Variants in LAMB4 observed in about 807,000 individuals in gnomAD.
The protein encoded by LAMB4 is laminin subunit beta-4.
Under a neutral mutation model 199.2 loss-of-function variants are expected in LAMB4, and 196 were observed. That is an observed-to-expected ratio of 0.98 (90% confidence interval 0.88 to 1.11). The LOEUF (loss-of-function observed/expected upper bound fraction) is 1.11. Among genes scored for constraint, LAMB4 ranks in the 50% least tolerant of loss-of-function variants. LAMB4 has a pLI of 0.00. For synonymous variants in LAMB4, 744 were observed against 770.6 expected (o/e 0.97, Z 0.57); for missense variants, 2,080 against 2,171.2 (o/e 0.96, Z 0.83).
At chr7:108,080,504 T>C (rs2036889522) in intron 14 of LAMB4, among the ~76,000 whole-genome samples, 11 of 152,204 alleles carry the variant, frequency 7.2e-5, no homozygotes, top group Admixed American at 7.2e-4. Flanking sequence ...ATATATATCA[T>C]GTACTGCTGC....
intron 23 of LAMB4, among the ~76,000 whole-genome samples, chr7:108,058,667 T>C (rs1050895557): frequency 6.6e-6 from 1 of 152,202 alleles, no homozygotes; most frequent in African/African-American, 2.4e-5. Flanking sequence ...TTCTTTTCTT[T>C]TATTTTGAGA....
chr7:108,038,491 T>C (rs1480252389), intron 29 of LAMB4, among the ~76,000 whole-genome samples: 2 of 152,188 alleles, frequency 1.3e-5, no homozygotes, highest in Non-Finnish European at 2.9e-5. Flanking sequence ...ATGCTCTACT[T>C]TCCAGAAAAG....
At chr7:108,085,966 T>C (rs530583922) in intron 14 of LAMB4, among the ~76,000 whole-genome samples, 1 of 152,230 alleles carries the variant, frequency 6.6e-6, no homozygotes, top group African/African-American at 2.4e-5. Flanking sequence ...ATGCAATGAG[T>C]AGGTGTTGTA....
intron 18 of LAMB4, 50 bp downstream of exon 18, chr7:108,069,658 A>G (rs766206875): frequency 5.9e-6 from 9 of 1,536,980 alleles, no homozygotes; most frequent in Non-Finnish European, 8.0e-6. Context: ...TCCAAAAAGC[A>G]TTTGTATGGA....
rs1258575597 is a variant in LAMB4 at position 108,048,038 on chromosome 7, C to T, written c.4196G>A (p.Gly1399Glu). 1 of 1,614,226 alleles carries T rather than the reference C, an allele frequency of 6.2e-7. No individual in the cohort carries two copies. The highest frequency in any genetic ancestry group is 1.7e-5 in the Admixed American group (1 of 60,024). The part of the protein sequence containing the change: ...CGGALCTGRK[G>E]HRKCRGPGCH... ...GCCGGGACCCCTACACTTCCTGTGCCCCTTCCGGCCCGTGCAGAGAGCACC... is the reference window on the plus strand; with the variant it reads ...GCCGGGACCCCTACACTTCCTGTGCTCCTTCCGGCCCGTGCAGAGAGCACC... The change falls in exon 28 of 34, where the codon GGG becomes GAG. Residue 1399 changes from glycine to glutamate, a missense_variant. By Grantham distance (98) the Gly-to-Glu change is moderately conservative (BLOSUM62 -2). Transcript: ENST00000388781.
chr7:108,039,460 T>C (rs1306562089), intron 29 of LAMB4, among the ~76,000 whole-genome samples: 1 of 147,678 alleles, frequency 6.8e-6, no homozygotes, highest in African/African-American at 2.6e-5. Context: ...AAAGAAACAG[T>C]ACTTTCTTTC....
At position 108,123,155 on chromosome 7, in the gene LAMB4, G is replaced by T; in HGVS notation, c.10C>A (p.Gln4Lys). MQFQLTLFLHLGWL... is the reference protein window; with the variant it reads MQFKLTLFLHLGWL... ...CCAAGGTGCAAAAAAAGGGTCAGTT[G>T]AAATTGCATTCTTTTGTCAGGAGAT... is the stretch of plus-strand genomic sequence containing the variant. Residue 4 changes from glutamine (Q) to lysine (K), a missense_variant, in exon 2 of 34, where the codon CAA becomes AAA. Coordinates refer to ENST00000388781, the MANE Select transcript of LAMB4 (RefSeq NM_007356.3). 1 of 1,610,944 alleles carries T rather than the reference G, an allele frequency of 6.2e-7. No homozygotes were observed. The highest frequency in any genetic ancestry group is 1.1e-5 in the South Asian group (1 of 90,408).
chr7:108,064,274 T>C (rs1364346241), intron 21 of LAMB4, among the ~76,000 whole-genome samples: 2 of 152,148 alleles, frequency 1.3e-5, no homozygotes, highest in Non-Finnish European at 2.9e-5. Flanking sequence ...TCTAGATCCT[T>C]ATATAATCAG....
At chr7:108,114,270 A>C (rs1477511487) in intron 3 of LAMB4, among the ~76,000 whole-genome samples, 1 of 151,968 alleles carries the variant, frequency 6.6e-6, no homozygotes, top group East Asian at 1.9e-4. Context: ...AAATACCAAA[A>C]ATTAACAGGG....
chr7:108,040,603 G>C (rs2035389323), intron 29 of LAMB4, among the ~76,000 whole-genome samples: 1 of 152,062 alleles, frequency 6.6e-6, no homozygotes, highest in Admixed American at 6.5e-5. Flanking sequence ...CAGAAATAAG[G>C]CCACACATCT....
chr7:108,069,051 CAT>C (rs967952342), intron 18 of LAMB4, among the ~76,000 whole-genome samples: 31 of 152,298 alleles, frequency 2.0e-4, no homozygotes, highest in African/African-American at 7.0e-4. Flanking sequence ...ACCCTGAACT[CAT>C]AGCTCTGTCC....
chr7:108,081,998 G>A (rs2036961680), intron 14 of LAMB4, among the ~76,000 whole-genome samples: 1 of 152,228 alleles, frequency 6.6e-6, no homozygotes, highest in Non-Finnish European at 1.5e-5. Context: ...TAGAGGGCAA[G>A]AAGAGCTGAA....
At chr7:108,107,445 G>A (rs912996622) in intron 6 of LAMB4, among the ~76,000 whole-genome samples, 186 bp downstream of exon 6, 6 of 152,160 alleles carry the variant, frequency 3.9e-5, no homozygotes, top group Admixed American at 3.9e-4. Context: ...CTCTTGTGCA[G>A]GATTGCTTCT....
chr7:108,091,739 G>A lies in LAMB4; in HGVS notation c.1588C>T (p.His530Tyr), dbSNP rs1405921682. 3.1e-6 allele frequency: 5 copies of A among 1,614,212 alleles called. No individual in the cohort carries two copies. The South Asian group carries it at 3.3e-5, about 11-fold the overall frequency. Residue 530 changes from histidine to tyrosine, a missense_variant, in exon 14 of 34, where the codon CAT becomes TAT. Physicochemically the swap from His to Tyr is moderately conservative, Grantham distance 83. Coordinates refer to ENST00000388781, the MANE Select transcript of LAMB4 (RefSeq NM_007356.3). Reference protein sequence around the residue: ...PKNGQCECRPHVTGRSCSEPA... With the variant: ...PKNGQCECRPYVTGRSCSEPA... ...TCAGAGCAGCTACGGCCAGTGACATGTGGGCGGCATTCACACTGCCCATTC... is the reference window on the plus strand; with the variant it reads ...TCAGAGCAGCTACGGCCAGTGACATATGGGCGGCATTCACACTGCCCATTC...
At chr7:108,102,660 T>G (rs2037855261) in intron 10 of LAMB4, among the ~76,000 whole-genome samples, 1 of 152,116 alleles carries the variant, frequency 6.6e-6, no homozygotes, top group Non-Finnish European at 1.5e-5. Flanking sequence ...TTTTTAAAGG[T>G]TTTTAAAAAG....
intron 16 of LAMB4, 152 bp from the exon 17 acceptor site, chr7:108,077,216 G>C: frequency 1.4e-6 from 1 of 690,738 alleles, no homozygotes; most frequent in East Asian, 2.8e-5. Context: ...AGCACAGGTG[G>C]GTTGGTTGGA....
chr7:108,016,419 G>T, the LAMB4 span, among the ~76,000 whole-genome samples: 2 of 151,772 alleles, frequency 1.3e-5, no homozygotes, highest in Non-Finnish European at 2.9e-5. Context: ...AAGTAGCTGG[G>T]ACTACAGGCA....
rs1315111490 is a variant in LAMB4, at chr7:108,063,800, G to A, written c.3022C>T (p.Pro1008Ser). The A allele has an allele frequency of 6.2e-7, 1 of 1,614,220 alleles. No homozygotes were observed. Among genetic ancestry groups the A allele is most frequent in the East Asian group, 2.2e-5 (1 of 44,888 alleles). ...TTGAGGGCTGATCCATAGTGACCTG[G>A]TTTGCAGAGCTGGCAGTTTGCGCCC... ...TQGANCQLCKPGHYGSALNQT... is the reference protein window; with the variant it reads ...TQGANCQLCKSGHYGSALNQT... Residue 1008 changes from proline (P) to serine (S), a missense_variant, in exon 22 of 34, where the codon CCA becomes TCA. Pro to Ser is a moderately conservative substitution (Grantham distance 74, BLOSUM62 -1). Coordinates refer to ENST00000388781, the MANE Select transcript of LAMB4 (RefSeq NM_007356.3).
intron 1 of LAMB4, among the ~76,000 whole-genome samples, chr7:108,123,639 C>T (rs920859303): frequency 2.6e-5 from 4 of 152,178 alleles, no homozygotes; most frequent in Non-Finnish European, 5.9e-5. Context: ...TGCACTCCAG[C>T]GTGGGCAACA....
Sources: gnomAD v4.1 joint callset for allele counts (sites outside exome capture counted in the v4.1 genomes callset) on GRCh38, gnomAD v4.1.1 for gene constraint, MANE v1.5 for transcripts, NCBI Gene and HGNC (gene_info 2026-07-23, HGNC 2026-07-21) for gene names.